HSPG2: variants seen among roughly 807,000 people sequenced by gnomAD.
HSPG2 encodes basement membrane-specific heparan sulfate proteoglycan core protein.
In HSPG2, 278 loss-of-function variants were observed where a neutral mutation model predicts 526.6. That is an observed-to-expected ratio of 0.53 (90% CI 0.48 to 0.58). HSPG2 has a LOEUF of 0.58. HSPG2 is among the 20% of genes least tolerant of loss of function. The probability of loss-of-function intolerance (pLI) is 0.00; values close to 1 mark genes in which losing one functional copy is unlikely to be tolerated. For synonymous variants in HSPG2, 2,465 were observed against 2,555.4 expected, an observed-to-expected ratio of 0.96 and a Z score of 1.07; for missense variants, 5,354 against 6,099.5, an observed-to-expected ratio of 0.88 and a Z score of 4.07.
rs751957220 is a variant in HSPG2 at position 21,841,523 on chromosome 1, G to C, written c.9328+16C>G. Reference sequence around the variant, plus strand: ...TGGAAACAGGGCAGAGCCCCACAGGGTCAACGTCCCCTCACCGTGCACACT... The same window carrying C: ...TGGAAACAGGGCAGAGCCCCACAGGCTCAACGTCCCCTCACCGTGCACACT... On this transcript the variant is annotated intron_variant, in intron 70 of 96. Coordinates refer to ENST00000374695, the MANE Select transcript of HSPG2 (RefSeq NM_005529.7). The C allele has an allele frequency of 6.2e-7, 1 of 1,614,198 alleles. No individual in the cohort carries two copies.
Position 21,838,074 on chromosome 1 carries a change from T to G in HSPG2, c.10150+751A>C, listed in dbSNP as rs1265763604. 1.4e-5 allele frequency among the ~76,000 whole-genome samples: 2 copies of G among 138,494 alleles called. 1 individual carries two copies. The highest frequency in any genetic ancestry group is 1.7e-4 in the Admixed American group (2 of 11,954). The allele number at this position is 138,494 out of a possible 152,430, so 90.9% of individuals were successfully genotyped here. On this transcript the variant is annotated intron_variant, in intron 74 of 96. Coordinates refer to ENST00000374695, the MANE Select transcript of HSPG2 (RefSeq NM_005529.7). Reference sequence around the variant, plus strand: ...AGGCTTGAACTCGGGAGATGGAGGTTGCAGTGAACCGAGATCATGCCACTG... The same window carrying G: ...AGGCTTGAACTCGGGAGATGGAGGTGGCAGTGAACCGAGATCATGCCACTG...
At chr1:21,825,474 C>G (rs527249811) in intron 91 of HSPG2, among the ~76,000 whole-genome samples, 1 of 152,172 alleles carries the variant, frequency 6.6e-6, no homozygotes, top group Non-Finnish European at 1.5e-5. Flanking sequence ...CTCCATCTTA[C>G]AGAAGAGCAG....
rs770738845 is a variant in HSPG2, at chr1:21,833,520, G to A, written c.10925C>T (p.Thr3642Ile). The change falls in exon 79 of 97, where the codon ACC becomes ATC. Residue 3642 changes from threonine to isoleucine, a missense_variant. Physicochemically the swap from Thr to Ile is moderately conservative, Grantham distance 89. Coordinates refer to ENST00000374695, the MANE Select transcript of HSPG2 (RefSeq NM_005529.7). ...GACCTTGCCCTGGCGGTTAGTGGCG[G>A]TGCAGACGTAGGTACCTGCGTCCTG... Reference protein sequence around the residue: ...RPQDAGTYVCTATNRQGKVKA... With the variant: ...RPQDAGTYVCIATNRQGKVKA... The A allele has an allele frequency of 2.1e-5, 34 of 1,614,158 alleles. 1 individual carries two copies. In the South Asian group the frequency reaches 3.5e-4, roughly 17 times the overall value.
intron 74 of HSPG2, among the ~76,000 whole-genome samples, chr1:21,837,594 CAG>C (rs1199202489): frequency 6.6e-6 from 1 of 152,018 alleles, no homozygotes. Context: ...CGGCCATACT[CAG>C]ACATTTTAAG....
rs528524975 is a variant in HSPG2, at chr1:21,842,801, T to C, written c.8879A>G (p.Lys2960Arg). 1.2e-6 allele frequency: 2 copies of C among 1,613,724 alleles called. No homozygotes were observed. The highest frequency in any genetic ancestry group is 1.7e-5 in the Admixed American group (1 of 60,024). Residue 2960 changes from lysine (K) to arginine (R), a missense_variant, in exon 67 of 97, where the codon AAG becomes AGG. Transcript: ENST00000374695. ...GQAHAQVTWYKRGGSLPARHQ... is the reference protein window; with the variant it reads ...GQAHAQVTWYRRGGSLPARHQ... ...CCGGGCGGGGAGGCTGCCCCCGCGC[T>C]TGTACCACGTGACCTGGGCATGGGC...
At position 21,880,328 on chromosome 1, in the gene HSPG2, G is replaced by A. The variant is rs769359301; in HGVS notation, c.2195+35C>T. 4.3e-6 allele frequency: 7 copies of A among 1,613,962 alleles called. 1 individual carries two copies. The highest frequency in any genetic ancestry group is 1.6e-4 in the Middle Eastern group (1 of 6,062). On this transcript the variant is annotated intron_variant, in intron 16 of 96. Coordinates refer to ENST00000374695, the MANE Select transcript of HSPG2 (RefSeq NM_005529.7). ...CCGTTTCTCCTCTATCCTTGCTAGG[G>A]TCTCTGTGGTTCCCAGCCCTGCCGG...
chr1:21,911,190 T>A (rs1408838041), intron 1 of HSPG2, among the ~76,000 whole-genome samples: 1 of 152,204 alleles, frequency 6.6e-6, no homozygotes, highest in African/African-American at 2.4e-5. Flanking sequence ...GAACCAAAGA[T>A]GTGACTCTGT....
intron 24 of HSPG2, 40 bp from the exon 25 acceptor site, chr1:21,875,787 C>A: frequency 6.2e-7 from 1 of 1,607,204 alleles, no homozygotes; most frequent in Non-Finnish European, 8.5e-7. Flanking sequence ...CCCTGACGTC[C>A]TGGAGTATTG....
intron 17 of HSPG2, 121 bp from the exon 18 acceptor site, chr1:21,879,242 C>G (rs1378710963): frequency 1.7e-6 from 2 of 1,175,162 alleles, no homozygotes; most frequent in Non-Finnish European, 2.5e-6. Context: ...GCTTTGCAGA[C>G]AGGGGAGCAT....
intron 17 of HSPG2, 112 bp from the exon 18 acceptor site, chr1:21,879,233 CTTT>C: frequency 2.3e-6 from 3 of 1,287,394 alleles, no homozygotes; most frequent in Non-Finnish European, 2.2e-6. Flanking sequence ...GGAGGCACAG[CTTT>C]GCAGACAGGG....
rs745874302 is a variant in HSPG2, at chr1:21,849,021, G to A, written c.7457C>T (p.Ser2486Leu). The stretch of plus-strand genomic sequence containing the variant: ...GGTCACCTGGAGCAGGCGTAGCCTC[G>A]AGCCATGCACCTGGGAGGGTCAGGA... ...SLPARHQVHG[S>L]RLRLLQVTPA... is the part of the protein sequence containing the mutation. Residue 2486 changes from serine to leucine, a missense_variant, in exon 58 of 97, where the codon TCG (serine) becomes TTG (leucine). Ser to Leu is a moderately radical substitution (Grantham distance 145). Coordinates refer to ENST00000374695, the MANE Select transcript of HSPG2 (RefSeq NM_005529.7). 9 of 1,613,810 alleles carry A rather than the reference G, an allele frequency of 5.6e-6. No homozygotes were observed. Among genetic ancestry groups the A allele is most frequent in the African/African-American group, 1.3e-5 (1 of 74,928 alleles).
chr1:21,927,109 C>G (rs149558067), intron 1 of HSPG2, among the ~76,000 whole-genome samples: 17 of 152,140 alleles, frequency 1.1e-4, no homozygotes, highest in Non-Finnish European at 1.9e-4. Flanking sequence ...CCAGCCCCAC[C>G]CGTGGAGAAG....
In HSPG2 at chr1:21,887,327, C is replaced by CGGGGG; in HGVS notation, c.961_965dup (p.Pro324ArgfsTer88). The CGGGGG allele has an allele frequency of 6.2e-7, 1 of 1,613,952 alleles. No individual in the cohort carries two copies. The highest frequency in any genetic ancestry group is 8.5e-7 in the Non-Finnish European group (1 of 1,179,924). On this transcript the variant is annotated frameshift_variant, in exon 9 of 97. Coordinates refer to ENST00000374695, the MANE Select transcript of HSPG2 (RefSeq NM_005529.7). LOFTEE classifies it high-confidence loss of function. This position sits in a 1 kb window ranked among gnomAD's most constrained non-coding sequence, Gnocchi z 5.0. Reference sequence around the variant, plus strand: ...GGAACTCGTTGGGCTCACAGGGTGGCGGGGGGCCTAGGAGACCGGGCAGGG... The same window carrying CGGGGG: ...GGAACTCGTTGGGCTCACAGGGTGGCGGGGGGGGGGGCCTAGGAGACCGGGCAGGG...
chr1:21,845,967 G>T, intron 64 of HSPG2, 141 bp downstream of exon 64: 1 of 1,028,378 alleles, frequency 9.7e-7, no homozygotes, highest in Non-Finnish European at 1.5e-6. Context: ...GGACCGTGTG[G>T]GTGGCGGGAG....
rs116057418 is a variant in HSPG2 at position 21,903,275 on chromosome 1, T to A, written c.64-6965A>T. 9.3e-3 allele frequency among the ~76,000 whole-genome samples: 1,411 copies of A among 152,250 alleles called. 25 individuals carry two copies. Among genetic ancestry groups the A allele is most frequent in the African/African-American group, 0.031 (1,293 of 41,556 alleles). The stretch of plus-strand genomic sequence containing the variant: ...AGACACCCCTGTCCCTGCAGAACAA[T>A]CCCTCCAAGAATTAGTTCTCTCCGC... On this transcript the variant is annotated intron_variant, in intron 1 of 96. Coordinates refer to ENST00000374695, the MANE Select transcript of HSPG2 (RefSeq NM_005529.7).
chr1:21,916,918 C>G (rs1643900034), intron 1 of HSPG2, among the ~76,000 whole-genome samples: 1 of 152,154 alleles, frequency 6.6e-6, no homozygotes, highest in Non-Finnish European at 1.5e-5. Context: ...AAATCGGAAC[C>G]AGGCCTGGCT....
In HSPG2 at chr1:21,833,892, C is replaced by G; in HGVS notation, c.10754G>C (p.Arg3585Pro). The G allele has an allele frequency of 1.3e-6, 2 of 1,598,460 alleles. No homozygotes were observed. Among genetic ancestry groups the G allele is most frequent in the Non-Finnish European group, 1.7e-6 (2 of 1,172,330 alleles). The part of the protein sequence containing the change: ...LPQISMPQEV[R>P]VPAGSAAVFP... Reference sequence around the variant, plus strand: ...GACAGCTGCAGAACCAGCAGGCACACGGACTTCTTGGGGCATTGAGATCTG... The same window carrying G: ...GACAGCTGCAGAACCAGCAGGCACAGGGACTTCTTGGGGCATTGAGATCTG... Residue 3585 changes from arginine to proline, a missense_variant, in exon 78 of 97, where the codon CGT (arginine) becomes CCT (proline). By Grantham distance (103) the Arg-to-Pro change is moderately radical. Transcript: ENST00000374695.
Position 21,908,918 on chromosome 1 carries a change from C to G in HSPG2, c.64-12608G>C, listed in dbSNP as rs553472970. On this transcript the variant is annotated intron_variant, in intron 1 of 96. Coordinates refer to ENST00000374695, the MANE Select transcript of HSPG2 (RefSeq NM_005529.7). ...GGTCAGGAGTTCGAGACCAGCCTGA[C>G]CAACATGGTGAAACCCCGTCTCTAC... 5.3e-5 allele frequency among the ~76,000 whole-genome samples: 8 copies of G among 152,300 alleles called. No individual in the cohort carries two copies. The East Asian group carries it at 1.5e-3, about 29-fold the overall frequency.
At position 21,893,614 on chromosome 1, in the gene HSPG2, C is replaced by T. The variant is rs59881478; in HGVS notation, c.244+2308G>A. The stretch of plus-strand genomic sequence containing the variant: ...TGAGAGGGGACTCCTCATCAGGCTC[C>T]GAGACCATCATGCCAGCCACGGGCG... On this transcript the variant is annotated intron_variant, in intron 3 of 96. Transcript: ENST00000374695. This position sits in a 1 kb window ranked among gnomAD's most constrained non-coding sequence, Gnocchi z 4.3. Among the ~76,000 whole-genome samples, 1,808 of 151,972 alleles carry T rather than the reference C, an allele frequency of 0.012. 39 individuals are homozygous for T. Among genetic ancestry groups the T allele is most frequent in the African/African-American group, 0.041 (1,716 of 41,462 alleles).
Sources: allele counts gnomAD v4.1 joint callset (sites outside exome capture counted in the v4.1 genomes callset), GRCh38; gene constraint gnomAD v4.1.1; non-coding constraint Gnocchi (gnomAD v3.1); transcripts MANE v1.5; gene names NCBI Gene and HGNC (gene_info 2026-07-23, HGNC 2026-07-21).